Variants in HADH observed in about 807,000 individuals in gnomAD.
The protein encoded by HADH is hydroxyacyl-CoA dehydrogenase, also known as hydroxyacyl-coenzyme A dehydrogenase, mitochondrial.
Under a neutral mutation model 32.2 loss-of-function variants are expected in HADH, and 24 were observed. That is an observed-to-expected ratio of 0.75 (90% CI 0.54 to 1.05). The LOEUF (loss-of-function observed/expected upper bound fraction) is 1.05. Among genes scored for constraint, HADH ranks in the 50% least tolerant of loss-of-function variants. The probability of loss-of-function intolerance (pLI) is 0.00; values close to 1 mark genes in which losing one functional copy is unlikely to be tolerated. For synonymous variants in HADH, 139 were observed against 152.5 expected (o/e 0.91, Z 0.65); for missense variants, 350 against 397.1 (o/e 0.88, Z 1.01).
chr4:108,000,469 A>G (rs1285329928), intron 1 of HADH, among the ~76,000 whole-genome samples: 2 of 152,172 alleles, frequency 1.3e-5, no homozygotes, highest in African/African-American at 4.8e-5. Flanking sequence ...TAACCAGTTA[A>G]GTTTTTATTT....
At chr4:108,028,069 G>A (rs1560738643) in intron 6 of HADH, 1 of 442,018 alleles carries the variant, frequency 2.3e-6, no homozygotes, top group Non-Finnish European at 4.1e-6. Flanking sequence ...TTGATTAAAA[G>A]GTTTACTGCT....
At chr4:108,027,403 C>T in intron 5 of HADH, 1 of 498,790 alleles carries the variant, frequency 2.0e-6, no homozygotes, top group Non-Finnish European at 3.6e-6. Context: ...ATCTGTCTCT[C>T]CCAAAGCCAT....
intron 4 of HADH, among the ~76,000 whole-genome samples, 180 bp from the exon 5 acceptor site, chr4:108,023,294 T>C (rs905599250): frequency 1.3e-5 from 2 of 152,206 alleles, no homozygotes; most frequent in Non-Finnish European, 2.9e-5. Flanking sequence ...ATTTGGCCTC[T>C]GTTTTAAAAT....
intron 1 of HADH, among the ~76,000 whole-genome samples, chr4:108,009,006 T>G (rs1011699731): frequency 2.0e-5 from 3 of 152,188 alleles, no homozygotes; most frequent in Non-Finnish European, 4.4e-5. Flanking sequence ...TCACTAAACA[T>G]TCCCCTTACC....
intron 1 of HADH, among the ~76,000 whole-genome samples, chr4:108,000,685 TGGTG>T (rs1735096053): frequency 1.3e-5 from 2 of 152,140 alleles, no homozygotes; most frequent in Non-Finnish European, 2.9e-5. Flanking sequence ...AAAGGAGAGA[TGGTG>T]TCCATGTTAG....
intron 4 of HADH, among the ~76,000 whole-genome samples, chr4:108,021,986 C>T (rs990014918): frequency 1.3e-5 from 2 of 152,160 alleles, no homozygotes; most frequent in African/African-American, 4.8e-5. Context: ...CATCCCTGCA[C>T]AGACACTAGC....
At chr4:107,992,196 A>G (rs1369161817) in intron 1 of HADH, among the ~76,000 whole-genome samples, 1 of 152,208 alleles carries the variant, frequency 6.6e-6, no homozygotes, top group African/African-American at 2.4e-5. Context: ...TTGAAACTTA[A>G]GGGAAAAAAA....
At chr4:108,000,492 C>T (rs1735090759) in intron 1 of HADH, among the ~76,000 whole-genome samples, 1 of 152,134 alleles carries the variant, frequency 6.6e-6, no homozygotes, top group African/African-American at 2.4e-5. Context: ...CTGTTCTGTT[C>T]ACATCCTGGG....
intron 2 of HADH, among the ~76,000 whole-genome samples, chr4:108,013,670 A>T (rs1455899210): frequency 2.6e-5 from 4 of 152,194 alleles, no homozygotes; most frequent in African/African-American, 7.2e-5. Context: ...CTAGATAGAA[A>T]TGTGCTCTGA....
intron 1 of HADH, among the ~76,000 whole-genome samples, chr4:107,999,454 A>G (rs1329566924): frequency 6.6e-6 from 1 of 152,172 alleles, no homozygotes; most frequent in Non-Finnish European, 1.5e-5. Context: ...TTGGTAATTG[A>G]CTAGACTCTG....
chr4:108,017,842 C>T (rs1227709349), intron 3 of HADH, among the ~76,000 whole-genome samples: 3 of 152,152 alleles, frequency 2.0e-5, no homozygotes, highest in East Asian at 1.9e-4. Context: ...AGCCACCGTG[C>T]CCAGCCCAGA....
chr4:107,997,901 G>T (rs774930456), intron 1 of HADH, among the ~76,000 whole-genome samples: 1 of 152,124 alleles, frequency 6.6e-6, no homozygotes. Flanking sequence ...GGTAACTTGG[G>T]TGTTACTGAA....
intron 3 of HADH, among the ~76,000 whole-genome samples, chr4:108,018,837 C>G: frequency 6.6e-6 from 1 of 152,112 alleles, no homozygotes; most frequent in Non-Finnish European, 1.5e-5. Flanking sequence ...GCTTTTGGCA[C>G]GCCACTTTAC....
In HADH at chr4:108,027,717, C is replaced by T. The variant is rs1300443664; in HGVS notation, c.666C>T (p.Leu222=). The change falls in exon 6 of 8, where the codon CTC becomes CTT. Residue 222 remains leucine (L), a synonymous_variant. Coordinates refer to ENST00000309522, the MANE Select transcript of HADH (RefSeq NM_005327.7). ...CTCCTGGGTTTATTGTGAACCGCCT[C>T]CTGGTTCCATACCTCATGGAAGCAA... The part of the protein sequence containing the change: ...KDTPGFIVNR[L]LVPYLMEAIR... 1.2e-6 allele frequency: 2 copies of T among 1,611,576 alleles called. No homozygotes were observed. Among genetic ancestry groups the T allele is most frequent in the East Asian group, 2.2e-5 (1 of 44,870 alleles).
intron 3 of HADH, among the ~76,000 whole-genome samples, chr4:108,015,578 C>T (rs1735665438): frequency 6.6e-6 from 1 of 152,144 alleles, no homozygotes; most frequent in Non-Finnish European, 1.5e-5. Context: ...CTCTCCTACC[C>T]CACAGCTATT....
Position 108,034,515 on chromosome 4 carries a change from C to A in HADH, c.*158C>A. 1.5e-6 allele frequency: 1 copy of A among 688,248 alleles called. No homozygotes were observed. Among genetic ancestry groups the A allele is most frequent in the East Asian group, 2.8e-5 (1 of 35,746 alleles). The allele number at this position is 688,248 out of a possible 1,614,324, so 42.6% of individuals were successfully genotyped here. A position where few individuals can be genotyped will look rare whatever the true frequency, so the allele number is the denominator to read the frequency against. ...TAATCTATCGAAGTGATTATTACAC[C>A]AGTTACAGCAGTAATAGATTCTCCA... On this transcript the variant is annotated 3_prime_UTR_variant, in exon 8 of 8. Transcript: ENST00000309522.
At chr4:108,027,069 G>A (rs1736092242) in intron 5 of HADH, 2 of 160,316 alleles carry the variant, frequency 1.2e-5, no homozygotes, top group Admixed American at 5.8e-5. Context: ...GTCGGAGCAC[G>A]TGCCCTCAAG....
intron 5 of HADH, chr4:108,027,415 C>A: frequency 1.9e-6 from 1 of 516,404 alleles, no homozygotes; most frequent in Non-Finnish European, 3.5e-6. Flanking sequence ...CAAAGCCATG[C>A]TCTTCCAGGT....
At chr4:108,007,581 A>G (rs1735332593) in intron 1 of HADH, among the ~76,000 whole-genome samples, 3 of 152,212 alleles carry the variant, frequency 2.0e-5, no homozygotes, top group Admixed American at 2.0e-4. Context: ...AGCCTGTCGA[A>G]CCAGTCTGGG....
Sources: gnomAD v4.1 joint callset for allele counts (sites outside exome capture counted in the v4.1 genomes callset) on GRCh38, gnomAD v4.1.1 for gene constraint, MANE v1.5 for transcripts, NCBI Gene and HGNC (gene_info 2026-07-23, HGNC 2026-07-21) for gene names.